The following PLK3 variants were observed in gnomAD, a reference collection of about 807,000 sequenced individuals.
PLK3 encodes serine/threonine-protein kinase PLK3.
Under a neutral mutation model 71.6 loss-of-function variants are expected in PLK3, and 41 were observed. That is an observed-to-expected ratio of 0.57 (90% CI 0.45 to 0.74). The LOEUF (loss-of-function observed/expected upper bound fraction) is 0.74, where lower values mean the gene tolerates loss of function less well. Among genes scored for constraint, PLK3 ranks in the 30% least tolerant of loss-of-function variants. The probability of loss-of-function intolerance (pLI) is 0.00; values close to 1 mark genes in which losing one functional copy is unlikely to be tolerated. For missense variants in PLK3, 791 were observed against 875.6 expected, an observed-to-expected ratio of 0.90 and a Z score of 1.22; for synonymous variants, 366 against 355.4, an observed-to-expected ratio of 1.03 and a Z score of -0.33.
In PLK3 at chr1:44,804,263, G is replaced by A. The variant is rs377155472; in HGVS notation, c.1342+17G>A. The A allele has an allele frequency of 1.9e-6, 3 of 1,613,268 alleles. No individual in the cohort carries two copies. The highest frequency in any genetic ancestry group is 1.1e-5 in the South Asian group (1 of 91,076). ...TGCCCCCAGGTAAGGGTGGGGTCTGGTACATGCTGCTGTGGTGGGAGTTCT... is the reference window on the plus strand; with the variant it reads ...TGCCCCCAGGTAAGGGTGGGGTCTGATACATGCTGCTGTGGTGGGAGTTCT... On this transcript the variant is annotated intron_variant, in intron 11 of 14. Transcript: ENST00000372201.
Position 44,804,631 on chromosome 1 carries a change from C to T in PLK3, c.1506-19C>T, listed in dbSNP as rs978306073. 4 of 1,611,300 alleles carry T rather than the reference C, an allele frequency of 2.5e-6. No individual in the cohort carries two copies. In the African/African-American group the frequency reaches 5.3e-5, roughly 22 times the overall value. On this transcript the variant is annotated intron_variant, in intron 12 of 14. Coordinates refer to ENST00000372201, the MANE Select transcript of PLK3 (RefSeq NM_004073.4). ...GCATTGGTGCAGGGCTCCCTCTGAC[C>T]TCTGCCTCCCCATTCTAGGACTGTG... is the stretch of plus-strand genomic sequence containing the variant.
chr1:44,801,168 T>G lies in PLK3; in HGVS notation c.435+16T>G. ...CAGCCGAAAGGTGAAAGATGGTGAT[T>G]CCCGCAGGGATGAGAGTGAGGGAGA... On this transcript the variant is annotated intron_variant, in intron 3 of 14. Transcript: ENST00000372201. 1 of 1,205,028 alleles carries G rather than the reference T, an allele frequency of 8.3e-7. No individual in the cohort carries two copies. Among genetic ancestry groups the G allele is most frequent in the Non-Finnish European group, 1.2e-6 (1 of 807,506 alleles). 74.6% of individuals were successfully genotyped at this position (1,205,028 alleles called of 1,614,324 possible).
In PLK3 at chr1:44,802,776, C is replaced by G; in HGVS notation, c.670C>G (p.Pro224Ala). Residue 224 changes from proline (P) to alanine (A), a missense_variant, in exon 6 of 15, where the codon CCC (proline) becomes GCC (alanine). Physicochemically the swap from Pro to Ala is conservative, Grantham distance 27 (BLOSUM62 -1). Transcript: ENST00000372201. ...CTCTTTCAGGACCATCTGTGGCACC[C>G]CCAACTATGTGGCTCCAGAAGTGCT... ...EQRKKTICGT[P>A]NYVAPEVLLR... The G allele has an allele frequency of 1.2e-6, 2 of 1,613,256 alleles. No individual in the cohort carries two copies. Among genetic ancestry groups the G allele is most frequent in the South Asian group, 2.2e-5 (2 of 91,032 alleles).
At position 44,803,550 on chromosome 1, in the gene PLK3, G is replaced by A. The variant is rs1322872097; in HGVS notation, c.1073-50G>A. Reference sequence around the variant, plus strand: ...AATCTCTGTGTCATCCCTGTCGGAAGTGGAGGGGCTGGGCAGGATACTGAG... The same window carrying A: ...AATCTCTGTGTCATCCCTGTCGGAAATGGAGGGGCTGGGCAGGATACTGAG... On this transcript the variant is annotated intron_variant, in intron 8 of 14. Coordinates refer to ENST00000372201, the MANE Select transcript of PLK3 (RefSeq NM_004073.4). This position sits in a 1 kb window ranked among gnomAD's most constrained non-coding sequence, Gnocchi z 4.3. 1 of 1,586,072 alleles carries A rather than the reference G, an allele frequency of 6.3e-7. No individual in the cohort carries two copies. Among genetic ancestry groups the A allele is most frequent in the Admixed American group, 1.7e-5 (1 of 59,452 alleles).
chr1:44,802,433 GA>G (rs1651862528), intron 5 of PLK3, among the ~76,000 whole-genome samples: 1 of 152,114 alleles, frequency 6.6e-6, no homozygotes, highest in African/African-American at 2.4e-5. Context: ...CAAACCGTGG[GA>G]GGTGACAGCC....
At position 44,804,359 on chromosome 1, in the gene PLK3, CT is replaced by C. The variant is rs747822466; in HGVS notation, c.1364del (p.Leu455ArgfsTer90). The C allele has an allele frequency of 9.9e-6, 16 of 1,614,064 alleles. No individual in the cohort carries two copies. Among genetic ancestry groups the C allele is most frequent in the East Asian group, 2.2e-5 (1 of 44,892 alleles). Reference protein sequence around the residue: ...MPPAEQNPAPLAQPEPLVWVS... With the variant: ...MPPAEQNPAPXAQPEPLVWVS... ...GACAGCGGAACAGAACCCGGCCCCC[CT>C]GGCCCAGCCAGAGCCTCTGGTGTGG... On this transcript the variant is annotated frameshift_variant, in exon 12 of 15. Transcript: ENST00000372201. LOFTEE classifies it high-confidence loss of function.
Position 44,800,518 on chromosome 1 carries a change from G to C in PLK3, c.55G>C (p.Ala19Pro), listed in dbSNP as rs1040866447. 4 of 1,451,828 alleles carry C rather than the reference G, an allele frequency of 2.8e-6. No individual in the cohort carries two copies. The highest frequency in any genetic ancestry group is 2.4e-4 in the Middle Eastern group (1 of 4,204). The allele number at this position is 1,451,828 out of a possible 1,614,324, so 89.9% of individuals were successfully genotyped here. A position where few individuals can be genotyped will look rare whatever the true frequency, so the allele number is the denominator to read the frequency against. ...SPRPFQRAAAAPAPPAGPGPP... is the reference protein window; with the variant it reads ...SPRPFQRAAAPPAPPAGPGPP... ...GCGCCCCTTCCAGCGTGCGGCCGCC[G>C]CGCCCGCTCCCCCGGCCGGGCCCGG... is the stretch of plus-strand genomic sequence containing the variant. Residue 19 changes from alanine to proline, a missense_variant, in exon 1 of 15, where the codon GCG (alanine) becomes CCG (proline). Transcript: ENST00000372201. The surrounding 1 kb of genome is among the most constrained non-coding windows in gnomAD (Gnocchi z 6.5).
Position 44,803,802 on chromosome 1 carries a change from T to C in PLK3, c.1164+111T>C. On this transcript the variant is annotated intron_variant, in intron 9 of 14. Coordinates refer to ENST00000372201, the MANE Select transcript of PLK3 (RefSeq NM_004073.4). The surrounding 1 kb of genome is among the most constrained non-coding windows in gnomAD (Gnocchi z 4.3). ...GCATCCAGCCTCGTGGTGGCCTAATTGGCTGTGTGTCACCAGCCTGGCGGG... is the reference window on the plus strand; with the variant it reads ...GCATCCAGCCTCGTGGTGGCCTAATCGGCTGTGTGTCACCAGCCTGGCGGG... The C allele has an allele frequency of 8.9e-7, 1 of 1,120,686 alleles. No individual in the cohort carries two copies. The allele number at this position is 1,120,686 out of a possible 1,614,324, so 69.4% of individuals were successfully genotyped here.
In PLK3 at chr1:44,805,507, C is replaced by T; in HGVS notation, c.1770C>T (p.His590=). The T allele has an allele frequency of 1.2e-6, 2 of 1,614,210 alleles. No individual in the cohort carries two copies. Among genetic ancestry groups the T allele is most frequent in the Non-Finnish European group, 1.7e-6 (2 of 1,180,012 alleles). ...GTVQVNFYGD[H]TKLILSGWEP... is the part of the protein sequence containing the mutation. ...TGCAGGTGAACTTCTACGGGGACCA[C>T]ACCAAGCTGATTCTCAGTGGCTGGG... Residue 590 remains histidine, a synonymous_variant, in exon 15 of 15, where the codon CAC becomes CAT. Coordinates refer to ENST00000372201, the MANE Select transcript of PLK3 (RefSeq NM_004073.4).
chr1:44,801,882 G>A lies in PLK3; in HGVS notation c.603G>A (p.Val201=), dbSNP rs754816024. Reference sequence around the variant, plus strand: ...TCACTGAGAACATGGAACTGAAGGTGGGGGATTTTGGGCTGGCAGCCCGGT... The same window carrying A: ...TCACTGAGAACATGGAACTGAAGGTAGGGGATTTTGGGCTGGCAGCCCGGT... ...FFITENMELK[V]GDFGLAARLE... The change falls in exon 5 of 15, where the codon GTG becomes GTA. Residue 201 remains valine (V), a synonymous_variant. Coordinates refer to ENST00000372201, the MANE Select transcript of PLK3 (RefSeq NM_004073.4). 2 of 1,613,944 alleles carry A rather than the reference G, an allele frequency of 1.2e-6. No homozygotes were observed. The highest frequency in any genetic ancestry group is 2.2e-5 in the South Asian group (2 of 91,050).
In PLK3 at chr1:44,803,073, C is replaced by G. The variant is rs779215279; in HGVS notation, c.868C>G (p.Leu290Val). The G allele has an allele frequency of 6.2e-7, 1 of 1,613,954 alleles. No homozygotes were observed. The highest frequency in any genetic ancestry group is 8.5e-7 in the Non-Finnish European group (1 of 1,180,010). ...PASLSLPARQLLAAILRASPR... is the reference protein window; with the variant it reads ...PASLSLPARQVLAAILRASPR... Reference sequence around the variant, plus strand: ...CAGCCTCTCACTGCCTGCCCGGCAGCTCCTGGCCGCCATCCTTCGGGCCTC... The same window carrying G: ...CAGCCTCTCACTGCCTGCCCGGCAGGTCCTGGCCGCCATCCTTCGGGCCTC... Residue 290 changes from leucine to valine, a missense_variant, in exon 7 of 15, where the codon CTC becomes GTC. Physicochemically the swap from Leu to Val is conservative, Grantham distance 32. Coordinates refer to ENST00000372201, the MANE Select transcript of PLK3 (RefSeq NM_004073.4). This position sits in a 1 kb window ranked among gnomAD's most constrained non-coding sequence, Gnocchi z 4.3.
At chr1:44,804,124 G>T (rs1288061400) in intron 10 of PLK3, 39 bp from the exon 11 acceptor site, 3 of 1,585,318 alleles carry the variant, frequency 1.9e-6, no homozygotes, top group South Asian at 2.2e-5. Context: ...TGGGTCCTGG[G>T]GTGCTAATTC....
rs1218859746 is a variant in PLK3 at position 44,801,985 on chromosome 1, G to A, written c.653+53G>A. ...TGTGATACAGATGACATGCGTGATA[G>A]ACAGTGCATATGTATGTGGGAGGCA... is the stretch of plus-strand genomic sequence containing the variant. On this transcript the variant is annotated intron_variant, in intron 5 of 14. Coordinates refer to ENST00000372201, the MANE Select transcript of PLK3 (RefSeq NM_004073.4). The A allele has an allele frequency of 2.2e-6, 3 of 1,361,370 alleles. No homozygotes were observed. In the African/African-American group the frequency reaches 4.3e-5, roughly 20 times the overall value. 84.3% of individuals were successfully genotyped at this position (1,361,370 alleles called of 1,614,324 possible).
At position 44,800,803 on chromosome 1, in the gene PLK3, C is replaced by T; in HGVS notation, c.211-37C>T. Reference sequence around the variant, plus strand: ...GGACGCCCGCGGGCCAGACTCGGCCCCCCTGGAACAACCAGCCTGATGCCC... The same window carrying T: ...GGACGCCCGCGGGCCAGACTCGGCCTCCCTGGAACAACCAGCCTGATGCCC... On this transcript the variant is annotated intron_variant, in intron 1 of 14. Coordinates refer to ENST00000372201, the MANE Select transcript of PLK3 (RefSeq NM_004073.4). The surrounding 1 kb of genome is among the most constrained non-coding windows in gnomAD (Gnocchi z 6.5). The T allele has an allele frequency of 6.3e-7, 1 of 1,586,830 alleles. No homozygotes were observed. The highest frequency in any genetic ancestry group is 8.6e-7 in the Non-Finnish European group (1 of 1,167,362).
chr1:44,801,727 A>T lies in PLK3; in HGVS notation c.541A>T (p.Ile181Phe), dbSNP rs956047695. 4 of 1,502,000 alleles carry T rather than the reference A, an allele frequency of 2.7e-6. No homozygotes were observed. The Admixed American group carries it at 7.3e-5, about 27-fold the overall frequency. The allele number at this position is 1,502,000 out of a possible 1,614,324, so 93.0% of individuals were successfully genotyped here. A position where few individuals can be genotyped will look rare whatever the true frequency, so the allele number is the denominator to read the frequency against. ...CCTCAAGTACTTGCACCAGCGCGGC[A>T]TCTTGCACCGGGACCTCAAGTTGGG... is the stretch of plus-strand genomic sequence containing the variant. ...SGLKYLHQRG[I>F]LHRDLKLGNF... The change falls in exon 4 of 15, where the codon ATC becomes TTC. Residue 181 changes from isoleucine to phenylalanine, a missense_variant. By Grantham distance (21) the Ile-to-Phe change is conservative (BLOSUM62 0). Coordinates refer to ENST00000372201, the MANE Select transcript of PLK3 (RefSeq NM_004073.4).
In PLK3 at chr1:44,801,540, C is replaced by T. The variant is rs994543719; in HGVS notation, c.436-82C>T. 3.4e-6 allele frequency: 5 copies of T among 1,471,352 alleles called. No individual in the cohort carries two copies. The Admixed American group carries it at 7.3e-5, about 22-fold the overall frequency. 91.1% of individuals were successfully genotyped at this position (1,471,352 alleles called of 1,614,324 possible). On this transcript the variant is annotated intron_variant, in intron 3 of 14. Coordinates refer to ENST00000372201, the MANE Select transcript of PLK3 (RefSeq NM_004073.4). ...CAGTCTTAAGACCCAAAGCTGGGGC[C>T]CTGTTTCTTCCTCAGGGAGCACAGA...
Position 44,803,621 on chromosome 1 carries a change from G to T in PLK3, c.1094G>T (p.Arg365Met). 1 of 1,613,960 alleles carries T rather than the reference G, an allele frequency of 6.2e-7. No homozygotes were observed. The highest frequency in any genetic ancestry group is 8.5e-7 in the Non-Finnish European group (1 of 1,179,886). The stretch of plus-strand genomic sequence containing the variant: ...CCAGGTAAGAATCATGCCCAGGAGA[G>T]GGATGAGGTCTCCGGTTTGGTGAGC... Reference protein sequence around the residue: ...KKKSKNHAQERDEVSGLVSGL... With the variant: ...KKKSKNHAQEMDEVSGLVSGL... Residue 365 changes from arginine to methionine, a missense_variant, in exon 9 of 15, where the codon AGG (arginine) becomes ATG (methionine). Arg to Met is a moderately conservative substitution (Grantham distance 91). Coordinates refer to ENST00000372201, the MANE Select transcript of PLK3 (RefSeq NM_004073.4). The surrounding 1 kb of genome is among the most constrained non-coding windows in gnomAD (Gnocchi z 4.3).
At position 44,802,635 on chromosome 1, in the gene PLK3, C is replaced by G. The variant is rs564480066; in HGVS notation, c.654-125C>G. 117 of 713,814 alleles carry G rather than the reference C, an allele frequency of 1.6e-4. No individual in the cohort carries two copies. In the African/African-American group the frequency reaches 1.8e-3, roughly 11 times the overall value. The allele number at this position is 713,814 out of a possible 1,614,324, so 44.2% of individuals were successfully genotyped here. A position where few individuals can be genotyped will look rare whatever the true frequency, so the allele number is the denominator to read the frequency against. On this transcript the variant is annotated intron_variant, in intron 5 of 14. Coordinates refer to ENST00000372201, the MANE Select transcript of PLK3 (RefSeq NM_004073.4). ...ATCCCTGGCATCCATTGTCCCAGGA[C>G]AAGCAGGAGTTCTCTGGCCTTTGGT... is the stretch of plus-strand genomic sequence containing the variant.
At chr1:44,802,709 G>A (rs766433340) in intron 5 of PLK3, 51 bp from the exon 6 acceptor site, 1 of 1,257,646 alleles carries the variant, frequency 8.0e-7, no homozygotes, top group South Asian at 1.2e-5. Context: ...GGAGTCGGGG[G>A]GCTGCTGGGC....
Sources: allele counts gnomAD v4.1 joint callset (sites outside exome capture counted in the v4.1 genomes callset), GRCh38; gene constraint gnomAD v4.1.1; non-coding constraint Gnocchi (gnomAD v3.1); transcripts MANE v1.5; gene names NCBI Gene and HGNC (gene_info 2026-07-23, HGNC 2026-07-21).